ZNF746: variants seen among roughly 807,000 people sequenced by gnomAD.
The protein encoded by ZNF746 is zinc finger protein 746.
A neutral mutation model predicts 41.0 loss-of-function variants in ZNF746; 13 were observed. That is an observed-to-expected ratio of 0.32 (90% CI 0.21 to 0.50). The LOEUF is 0.50. ZNF746 is among the 20% of genes least tolerant of loss of function. The pLI, the probability that ZNF746 is intolerant of heterozygous loss-of-function variation, is 0.98. For missense variants in ZNF746, 811 were observed against 922.9 expected, an observed-to-expected ratio of 0.88 and a Z score of 1.57; for synonymous variants, 424 against 396.2, an observed-to-expected ratio of 1.07 and a Z score of -0.83.
Position 149,497,215 on chromosome 7 carries a change from A to G in ZNF746, c.24+298T>C, listed in dbSNP as rs1585746745. ...CGCGGGTGGGGGGGCACCCAGAAGG[A>G]GGGGACAGCGGCTGGGGCGGGGGCA... On this transcript the variant is annotated intron_variant, in intron 1 of 6. Coordinates refer to ENST00000458143, the MANE Select transcript of ZNF746 (RefSeq NM_001394198.1). The surrounding 1 kb of genome is among the most constrained non-coding windows in gnomAD (Gnocchi z 4.2). 1 of 983,248 alleles carries G rather than the reference A, an allele frequency of 1.0e-6. No individual in the cohort carries two copies. The highest frequency in any genetic ancestry group is 1.1e-4 in the East Asian group (1 of 8,742). The allele number at this position is 983,248 out of a possible 1,614,324, so 60.9% of individuals were successfully genotyped here. A position where few individuals can be genotyped will look rare whatever the true frequency, so the allele number is the denominator to read the frequency against.
Position 149,475,216 on chromosome 7 carries a change from G to T in ZNF746, c.1151C>A (p.Pro384His). Residue 384 changes from proline to histidine, a missense_variant, in exon 7 of 7, where the codon CCT becomes CAT. Pro to His is a moderately conservative substitution (Grantham distance 77). Around this residue, in one of 4 missense-constraint regions of ZNF746, gnomAD observed 495 missense variants for 481.6 expected, o/e 1.03. Transcript: ENST00000458143. ...LSPAVAQEET[P>H]PGDWLFGGVR... ...CCCTCCGAAGAGCCAGTCCCCAGGA[G>T]GGGTCTCCTCCTGGGCCACAGCAGG... is the stretch of plus-strand genomic sequence containing the variant. 1 of 1,613,070 alleles carries T rather than the reference G, an allele frequency of 6.2e-7. No individual in the cohort carries two copies. The highest frequency in any genetic ancestry group is 1.1e-5 in the South Asian group (1 of 91,062).
intron 4 of ZNF746, among the ~76,000 whole-genome samples, chr7:149,487,372 C>CT (rs1407163680): frequency 6.6e-6 from 1 of 152,204 alleles, no homozygotes; most frequent in Admixed American, 6.5e-5. Flanking sequence ...AAGGAAATGT[C>CT]TTTAACAATA....
intron 4 of ZNF746, chr7:149,490,555 C>G (rs949464806): frequency 4.6e-5 from 7 of 152,874 alleles, no homozygotes; most frequent in African/African-American, 1.4e-4. Context: ...GAAAAGGCAG[C>G]AGGGTCGATG....
chr7:149,472,937 A>C lies in ZNF746; in HGVS notation c.*1447T>G, dbSNP rs1405991710. On this transcript the variant is annotated 3_prime_UTR_variant, in exon 7 of 7. Coordinates refer to ENST00000458143, the MANE Select transcript of ZNF746 (RefSeq NM_001394198.1). ...CTTAACTAGTCTATCGCCTAATAAA[A>C]GTATGCATGAGGGGGCTGAATGAAT... 1 of 152,628 alleles carries C rather than the reference A, an allele frequency of 6.6e-6. No homozygotes were observed. Among genetic ancestry groups the C allele is most frequent in the Non-Finnish European group, 1.5e-5 (1 of 68,042 alleles). 9.5% of individuals were successfully genotyped at this position (152,628 alleles called of 1,614,324 possible). A position where few individuals can be genotyped will look rare whatever the true frequency, so the allele number is the denominator to read the frequency against.
In ZNF746 at chr7:149,493,998, C is replaced by T. The variant is rs149305517; in HGVS notation, c.442G>A (p.Val148Ile). 3.7e-6 allele frequency: 6 copies of T among 1,614,090 alleles called. No individual in the cohort carries two copies. The highest frequency in any genetic ancestry group is 5.1e-6 in the Non-Finnish European group (6 of 1,180,048). ...GAGTGTCAGGCCTTACCCAGGGAGACCAGCGTCTCGTAGTTGCCCCTCATC... is the reference window on the plus strand; with the variant it reads ...GAGTGTCAGGCCTTACCCAGGGAGATCAGCGTCTCGTAGTTGCCCCTCATC... ...HVMRGNYETLVSLDYAISKPE... is the reference protein window; with the variant it reads ...HVMRGNYETLISLDYAISKPE... Residue 148 changes from valine to isoleucine, a missense_variant, in exon 3 of 7, where the codon GTC (valine) becomes ATC (isoleucine). Physicochemically the swap from Val to Ile is conservative, Grantham distance 29. Transcript: ENST00000458143.
rs140262112 is a variant in ZNF746, at chr7:149,489,883, G to T, written c.565+2976C>A. Reference sequence around the variant, plus strand: ...ACGGAGGGCCCTGGTAACCGAGGTTGGAGAGGTTTTGGTGGAAGGGGTAAC... The same window carrying T: ...ACGGAGGGCCCTGGTAACCGAGGTTTGAGAGGTTTTGGTGGAAGGGGTAAC... On this transcript the variant is annotated intron_variant, in intron 4 of 6. Coordinates refer to ENST00000458143, the MANE Select transcript of ZNF746 (RefSeq NM_001394198.1). 3.4e-3 allele frequency: 524 copies of T among 152,770 alleles called. 2 individuals carry two copies. The highest frequency in any genetic ancestry group is 5.2e-3 in the Non-Finnish European group (359 of 68,382). The allele number at this position is 152,770 out of a possible 1,614,324, so 9.5% of individuals were successfully genotyped here. A position where few individuals can be genotyped will look rare whatever the true frequency, so the allele number is the denominator to read the frequency against.
At chr7:149,476,051 A>ACAGG (rs1800289837) in intron 6 of ZNF746, among the ~76,000 whole-genome samples, 1 of 152,250 alleles carries the variant, frequency 6.6e-6, no homozygotes, top group African/African-American at 2.4e-5. Flanking sequence ...GCGGTGGCTC[A>ACAGG]CGCCTATAAT....
At chr7:149,488,445 C>T (rs1024014699) in intron 4 of ZNF746, 2 of 152,092 alleles carry the variant, frequency 1.3e-5, no homozygotes, top group Non-Finnish European at 2.9e-5. Flanking sequence ...ACGTTAAAGA[C>T]CTGCCACCGA....
At chr7:149,484,523 T>C (rs1800566659) in intron 4 of ZNF746, among the ~76,000 whole-genome samples, 1 of 152,196 alleles carries the variant, frequency 6.6e-6, no homozygotes, top group African/African-American at 2.4e-5. Context: ...GAAACTTCTT[T>C]AGCCAGATAA....
chr7:149,479,404 A>C (rs1436829577), intron 4 of ZNF746, among the ~76,000 whole-genome samples: 1 of 152,236 alleles, frequency 6.6e-6, no homozygotes, highest in Non-Finnish European at 1.5e-5. Context: ...AGGCTAAGAC[A>C]ATTTTTATTG....
intron 1 of ZNF746, among the ~76,000 whole-genome samples, chr7:149,495,845 G>A (rs1246912180): frequency 2.0e-5 from 3 of 152,200 alleles, no homozygotes; most frequent in Non-Finnish European, 2.9e-5. Context: ...AGGACTCTAA[G>A]GGGTCTTCAA....
At chr7:149,495,543 C>A (rs1182580632) in intron 1 of ZNF746, among the ~76,000 whole-genome samples, 1 of 152,182 alleles carries the variant, frequency 6.6e-6, no homozygotes. Context: ...GAATGTGGGA[C>A]CTACAGGGCA....
rs777667110 is a variant in ZNF746, at chr7:149,474,405, G to C, written c.1962C>G (p.Pro654=). The change falls in exon 7 of 7, where the codon CCC becomes CCG. Residue 654 remains proline, a synonymous_variant. Transcript: ENST00000458143. The surrounding 1 kb of genome is among the most constrained non-coding windows in gnomAD (Gnocchi z 6.3). Reference sequence around the variant, plus strand: ...GCGCTCACATGTCCCCGCCATCGGTGGGTCCCAGGACGCTGAGGCCACAAG... The same window carrying C: ...GCGCTCACATGTCCCCGCCATCGGTCGGTCCCAGGACGCTGAGGCCACAAG... ...DWTCGLSVLG[P]TDGGDM is the part of the protein sequence containing the mutation. The C allele has an allele frequency of 1.2e-6, 2 of 1,609,414 alleles. No individual in the cohort carries two copies.
rs764062177 is a variant in ZNF746 at position 149,474,752 on chromosome 7, C to T, written c.1615G>A (p.Ala539Thr). 1.3e-6 allele frequency: 2 copies of T among 1,598,674 alleles called. No individual in the cohort carries two copies. The highest frequency in any genetic ancestry group is 1.1e-5 in the South Asian group (1 of 89,676). Residue 539 changes from alanine (A) to threonine (T), a missense_variant, in exon 7 of 7, where the codon GCG becomes ACG. This residue lies in a region of ZNF746 where 70 missense variants were observed against 127.6 expected (regional missense o/e 0.55). Transcript: ENST00000458143. This position sits in a 1 kb window ranked among gnomAD's most constrained non-coding sequence, Gnocchi z 6.3. ...GECGRCFTRPAHLIRHRMLHT... is the reference protein window; with the variant it reads ...GECGRCFTRPTHLIRHRMLHT... ...AGCATGCGATGGCGGATGAGGTGCG[C>T]GGGGCGCGTGAAGCAACGGCCGCAC...
intron 1 of ZNF746, among the ~76,000 whole-genome samples, chr7:149,496,136 C>T (rs1206884661): frequency 6.6e-6 from 1 of 152,214 alleles, no homozygotes; most frequent in African/African-American, 2.4e-5. Flanking sequence ...CCATCCTCCA[C>T]GTGCATTATT....
intron 4 of ZNF746, among the ~76,000 whole-genome samples, chr7:149,480,640 T>G (rs1385300789): frequency 6.6e-6 from 1 of 152,188 alleles, no homozygotes; most frequent in Non-Finnish European, 1.5e-5. Flanking sequence ...TTCACTGTGT[T>G]GCCCAGGCTG....
rs375869533 is a variant in ZNF746, at chr7:149,494,495, C to T, written c.33G>A (p.Pro11=). ...CCTGAATCGTGGCTGCCATCGTCCACGGAGAAATCTTTCAGAAACAAAAGA... is the reference window on the plus strand; with the variant it reads ...CCTGAATCGTGGCTGCCATCGTCCATGGAGAAATCTTTCAGAAACAAAAGA... The part of the protein sequence containing the change: MAEAVAAPIS[P]WTMAATIQAM... Residue 11 remains proline, a synonymous_variant, in exon 2 of 7, where the codon CCG becomes CCA. Coordinates refer to ENST00000458143, the MANE Select transcript of ZNF746 (RefSeq NM_001394198.1). This position sits in a 1 kb window ranked among gnomAD's most constrained non-coding sequence, Gnocchi z 5.6. The T allele has an allele frequency of 6.2e-6, 10 of 1,613,006 alleles. No individual in the cohort carries two copies. The highest frequency in any genetic ancestry group is 5.3e-5 in the African/African-American group (4 of 74,844).
chr7:149,493,985 T>C lies in ZNF746; in HGVS notation c.451+4A>G. 6.2e-7 allele frequency: 1 copy of C among 1,614,212 alleles called. No individual in the cohort carries two copies. Among genetic ancestry groups the C allele is most frequent in the Non-Finnish European group, 8.5e-7 (1 of 1,180,032 alleles). ...TTAACAGAGAAATGAGTGTCAGGCC[T>C]TACCCAGGGAGACCAGCGTCTCGTA... On this transcript the variant is annotated splice_donor_region_variant and intron_variant, in intron 3 of 6. Coordinates refer to ENST00000458143, the MANE Select transcript of ZNF746 (RefSeq NM_001394198.1).
chr7:149,477,027 T>C lies in ZNF746; in HGVS notation c.778A>G (p.Thr260Ala). ...ATSGVHSNFS[T>A]TIPPTSWQTD... is the part of the protein sequence containing the mutation. ...TGCCAGGAGGTGGGCGGGATGGTGG[T>C]GGAAAAGTTGGAATGGACACCTGCG... Residue 260 changes from threonine to alanine, a missense_variant, in exon 6 of 7, where the codon ACC becomes GCC. Around this residue, in one of 4 missense-constraint regions of ZNF746, gnomAD observed 495 missense variants for 481.6 expected, o/e 1.03. Coordinates refer to ENST00000458143, the MANE Select transcript of ZNF746 (RefSeq NM_001394198.1). The C allele has an allele frequency of 6.2e-7, 1 of 1,612,300 alleles. No homozygotes were observed. The highest frequency in any genetic ancestry group is 8.5e-7 in the Non-Finnish European group (1 of 1,179,598).
Sources: allele counts gnomAD v4.1 joint callset (sites outside exome capture counted in the v4.1 genomes callset), GRCh38; gene constraint gnomAD v4.1.1; regional missense constraint gnomAD v4.1.1; non-coding constraint Gnocchi (gnomAD v3.1); transcripts MANE v1.5; gene names NCBI Gene and HGNC (gene_info 2026-07-23, HGNC 2026-07-21).